KNDC1: variants seen among roughly 807,000 people sequenced by gnomAD.
KNDC1 encodes the protein kinase non-catalytic C-lobe domain containing 1.
In KNDC1, 106 loss-of-function variants were observed where a neutral mutation model predicts 172.8. The ratio of observed to expected loss-of-function variants is 0.61; its 90% CI spans 0.52 to 0.72. KNDC1 has a LOEUF of 0.72. Among genes scored for constraint, KNDC1 ranks in the 30% least tolerant of loss-of-function variants. KNDC1 has a pLI of 0.00. For missense variants in KNDC1, 2,325 were observed against 2,394.5 expected (o/e 0.97, Z 0.61); for synonymous variants, 1,083 against 1,062.2 (o/e 1.02, Z -0.38).
rs1845211999 is a variant in KNDC1, at chr10:133,206,929, C to G, written c.3555C>G (p.Leu1185=). ...LEEMKSRVQF[L]SLVKKYLQVM... Reference sequence around the variant, plus strand: ...AAATGAAATCCAGGGTGCAATTCCTCAGCTTGGTCAAGAAGTATCTGCAGG... The same window carrying G: ...AAATGAAATCCAGGGTGCAATTCCTGAGCTTGGTCAAGAAGTATCTGCAGG... Residue 1185 remains leucine, a synonymous_variant, in exon 19 of 30, where the codon CTC becomes CTG. Coordinates refer to ENST00000304613, the MANE Select transcript of KNDC1 (RefSeq NM_152643.8). 3.1e-6 allele frequency: 5 copies of G among 1,613,936 alleles called. No individual in the cohort carries two copies. The South Asian group carries it at 5.5e-5, about 18-fold the overall frequency.
intron 1 of KNDC1, among the ~76,000 whole-genome samples, chr10:133,162,630 G>C (rs1056516746): frequency 7.9e-5 from 12 of 152,388 alleles, no homozygotes; most frequent in Admixed American, 7.8e-4. Context: ...ATTGCAATCA[G>C]GAAAATGCAA....
rs1853928398 is a variant in KNDC1 at position 133,186,650 on chromosome 10, G to T, written c.1302G>T (p.Gln434His). The T allele has an allele frequency of 6.3e-7, 1 of 1,588,852 alleles. No individual in the cohort carries two copies. The highest frequency in any genetic ancestry group is 1.3e-5 in the African/African-American group (1 of 74,404). Residue 434 changes from glutamine (Q) to histidine (H), a missense_variant, in exon 6 of 30, where the codon CAG (glutamine) becomes CAT (histidine). Transcript: ENST00000304613. ...DDERIPEGAR[Q>H]LESAAAEQWV... ...AGAGAATTCCAGAAGGAGCTAGGCA[G>T]CTGGAAAGTGCAGCCGCGGAGCAGG...
intron 20 of KNDC1, 61 bp from the exon 21 acceptor site, chr10:133,210,550 C>G: frequency 1.0e-6 from 1 of 989,700 alleles, no homozygotes; most frequent in South Asian, 1.3e-5. Flanking sequence ...CCACCGAACA[C>G]TAGCCGAGCC....
chr10:133,185,876 GGAGGA>G (rs1387220412), intron 5 of KNDC1, 93 bp from the exon 6 acceptor site: 3 of 567,046 alleles, frequency 5.3e-6, no homozygotes, highest in Non-Finnish European at 8.7e-6. Flanking sequence ...GGGAGGGGTG[GGAGGA>G]GAGGGGAGGG....
chr10:133,195,878 C>T (rs1395982383), intron 10 of KNDC1, 57 bp downstream of exon 10: 15 of 1,426,750 alleles, frequency 1.1e-5, no homozygotes, highest in Admixed American at 5.2e-5. Flanking sequence ...GGGCAGTGGC[C>T]GCCCTCGCTG....
chr10:133,180,230 C>T (rs1194481914), intron 3 of KNDC1, among the ~76,000 whole-genome samples: 1 of 152,266 alleles, frequency 6.6e-6, no homozygotes, highest in Admixed American at 6.5e-5. Context: ...GTGTTTCCCT[C>T]CTTCAGGGTG....
Position 133,213,965 on chromosome 10 carries a change from C to T in KNDC1, c.4527-7C>T, listed in dbSNP as rs1257225003. On this transcript the variant is annotated splice_region_variant and splice_polypyrimidine_tract_variant and intron_variant, in intron 25 of 29. Transcript: ENST00000304613. Reference sequence around the variant, plus strand: ...TGGGGGTGACAGGGACCATATTTCTCTTCCAGAGCCAGCTCTTCTGAGTCT... The same window carrying T: ...TGGGGGTGACAGGGACCATATTTCTTTTCCAGAGCCAGCTCTTCTGAGTCT... 2 of 1,613,964 alleles carry T rather than the reference C, an allele frequency of 1.2e-6. No homozygotes were observed. Among genetic ancestry groups the T allele is most frequent in the Non-Finnish European group, 1.7e-6 (2 of 1,179,952 alleles).
intron 3 of KNDC1, among the ~76,000 whole-genome samples, chr10:133,177,328 G>T (rs1291464838): frequency 6.6e-6 from 1 of 152,192 alleles, no homozygotes; most frequent in Non-Finnish European, 1.5e-5. Context: ...GTAGCGTGGT[G>T]TCATGCCCGT....
Position 133,211,413 on chromosome 10 carries a change from C to T in KNDC1, c.3909-9C>T, listed in dbSNP as rs754855793. 1.7e-5 allele frequency: 27 copies of T among 1,610,008 alleles called. No individual in the cohort carries two copies. The highest frequency in any genetic ancestry group is 1.8e-4 in the Middle Eastern group (1 of 5,706). Reference sequence around the variant, plus strand: ...TCCTGGCAGCTCAGCAGCTCCCCTGCGTCTCCAGGGCCCACCAGGACCCCA... The same window carrying T: ...TCCTGGCAGCTCAGCAGCTCCCCTGTGTCTCCAGGGCCCACCAGGACCCCA... On this transcript the variant is annotated splice_polypyrimidine_tract_variant and intron_variant, in intron 21 of 29. Transcript: ENST00000304613.
At chr10:133,162,203 A>G (rs906241942) in intron 1 of KNDC1, among the ~76,000 whole-genome samples, 2 of 152,198 alleles carry the variant, frequency 1.3e-5, no homozygotes, top group African/African-American at 4.8e-5. Flanking sequence ...TGTGCCCAGT[A>G]CTGAGCCCAA....
rs767226615 is a variant in KNDC1, at chr10:133,189,660, C to T, written c.1504C>T (p.Pro502Ser). The change falls in exon 8 of 30, where the codon CCT becomes TCT. Residue 502 changes from proline (P) to serine (S), a missense_variant. Transcript: ENST00000304613. ...CGGGGCTGTGCTCTTCCAGCCACCC[C>T]CTGCCAACGGTGAGTGTGTGGGTTC... ...EDGAVLFQPP[P>S]ANGSYDSFFL... The T allele has an allele frequency of 1.9e-5, 31 of 1,613,832 alleles. No homozygotes were observed. The highest frequency in any genetic ancestry group is 2.5e-5 in the Non-Finnish European group (29 of 1,179,996).
At chr10:133,190,757 C>T (rs954884546) in intron 9 of KNDC1, among the ~76,000 whole-genome samples, 6 of 152,226 alleles carry the variant, frequency 3.9e-5, no homozygotes, top group Non-Finnish European at 5.9e-5. Flanking sequence ...GATCGTTCAC[C>T]TTTACACCAA....
At chr10:133,178,641 C>T (rs963052557) in intron 3 of KNDC1, among the ~76,000 whole-genome samples, 1 of 152,184 alleles carries the variant, frequency 6.6e-6, no homozygotes, top group Non-Finnish European at 1.5e-5. Flanking sequence ...TGAGTGAGAT[C>T]CACACACCTG....
rs375034199 is a variant in KNDC1, at chr10:133,186,350, G to A, written c.1002G>A (p.Ser334=). Residue 334 remains serine, a synonymous_variant, in exon 6 of 30, where the codon TCG becomes TCA. Transcript: ENST00000304613. ...LTRGKSQLPI[S]ELFSPDPRKA... The stretch of plus-strand genomic sequence containing the variant: ...GCGGGAAAAGCCAGCTGCCCATATC[G>A]GAATTATTCTCTCCGGACCCCAGGA... The A allele has an allele frequency of 6.1e-5, 99 of 1,612,692 alleles. No homozygotes were observed. The East Asian group carries it at 7.1e-4, about 12-fold the overall frequency.
chr10:133,165,503 G>A (rs1004040404), intron 1 of KNDC1, among the ~76,000 whole-genome samples: 6 of 152,180 alleles, frequency 3.9e-5, no homozygotes, highest in African/African-American at 7.2e-5. Context: ...CGGCTGAGAC[G>A]CGCCTCATGC....
chr10:133,213,062 G>C, intron 24 of KNDC1, 140 bp downstream of exon 24: 1 of 771,430 alleles, frequency 1.3e-6, no homozygotes, highest in Non-Finnish European at 2.0e-6. Context: ...GCACAGGTTG[G>C]GGGTGGCTGC....
intron 3 of KNDC1, among the ~76,000 whole-genome samples, chr10:133,170,190 A>G (rs1379767060): frequency 6.6e-6 from 1 of 152,242 alleles, no homozygotes; most frequent in African/African-American, 2.4e-5. Context: ...GTGTACACCA[A>G]GAACACATCT....
chr10:133,208,596 C>T (rs913126399), intron 20 of KNDC1, among the ~76,000 whole-genome samples: 1 of 152,122 alleles, frequency 6.6e-6, no homozygotes, highest in African/African-American at 2.4e-5. Flanking sequence ...CCTCCGACCC[C>T]GTTCTCCCAA....
At position 133,211,678 on chromosome 10, in the gene KNDC1, G is replaced by A; in HGVS notation, c.4057-1G>A. 1 of 1,596,532 alleles carries A rather than the reference G, an allele frequency of 6.3e-7. No individual in the cohort carries two copies. Among genetic ancestry groups the A allele is most frequent in the Non-Finnish European group, 8.5e-7 (1 of 1,170,214 alleles). On this transcript the variant is annotated splice_acceptor_variant, in intron 22 of 29. Transcript: ENST00000304613. LOFTEE classifies it high-confidence loss of function. ...CCCCCCACCACTGTGCTTCTGCCTA[G>A]ATCCTACCCCTGGACGGCTCTGCCA...
Sources: gnomAD v4.1 joint callset for allele counts (sites outside exome capture counted in the v4.1 genomes callset) on GRCh38, gnomAD v4.1.1 for gene constraint, MANE v1.5 for transcripts, NCBI Gene and HGNC (gene_info 2026-07-23, HGNC 2026-07-21) for gene names.